Variants in RFX3 observed in about 807,000 individuals in gnomAD.
The protein encoded by RFX3 is transcription factor RFX3.
RFX3 carries 14 observed loss-of-function variants against 98.6 expected under a neutral mutation model. The ratio of observed to expected loss-of-function variants is 0.14; its 90% CI spans 0.09 to 0.22. RFX3 has a LOEUF of 0.22. Ranked by LOEUF, RFX3 falls within the 10% of genes least tolerant of loss-of-function variation. RFX3 has a pLI of 1.00. For missense variants in RFX3, 639 were observed against 926.9 expected (o/e 0.69, Z 4.03); for synonymous variants, 383 against 328.4 (o/e 1.17, Z -1.80).
chr9:3,234,799 T>TCCA (rs1256833499), intron 15 of RFX3, among the ~76,000 whole-genome samples: 1 of 152,184 alleles, frequency 6.6e-6, no homozygotes. Flanking sequence ...GAAGACCTGC[T>TCCA]CCAGCTCATT....
At chr9:3,247,659 A>C in intron 15 of RFX3, 3 of 1,419,584 alleles carry the variant, frequency 2.1e-6, no homozygotes, top group Non-Finnish European at 2.8e-6. Flanking sequence ...GAGTCTACAA[A>C]ATACATATTT....
chr9:3,350,815 T>G (rs1021536860), intron 2 of RFX3, among the ~76,000 whole-genome samples: 1 of 152,056 alleles, frequency 6.6e-6, no homozygotes, highest in African/African-American at 2.4e-5. Context: ...CTTGAATGCG[T>G]ATGACCAAGT....
In RFX3 at chr9:3,221,828, T is replaced by G. The variant is rs1817355287; in HGVS notation, c.*3214A>C. On this transcript the variant is annotated 3_prime_UTR_variant, in exon 17 of 17. Coordinates refer to ENST00000617270, the MANE Select transcript of RFX3 (RefSeq NM_001282116.2). Reference sequence around the variant, plus strand: ...CATATGAAAATATCTTTTCTGAAACTTGAAAACAGTCAACATACCTTCCTT... The same window carrying G: ...CATATGAAAATATCTTTTCTGAAACGTGAAAACAGTCAACATACCTTCCTT... The G allele has an allele frequency of 1.3e-5, 2 of 152,198 alleles. No individual in the cohort carries two copies. Among genetic ancestry groups the G allele is most frequent in the East Asian group, 1.9e-4 (1 of 5,200 alleles). 9.4% of individuals were successfully genotyped at this position (152,198 alleles called of 1,614,324 possible).
At chr9:3,271,153 A>T in intron 9 of RFX3, 35 bp from the exon 10 acceptor site, 1 of 1,574,214 alleles carries the variant, frequency 6.4e-7, no homozygotes, top group South Asian at 1.1e-5. Context: ...TTACCTTACA[A>T]TATTATTTAC....
At chr9:3,443,308 T>C (rs529128019) in intron 1 of RFX3, among the ~76,000 whole-genome samples, 1 of 152,296 alleles carries the variant, frequency 6.6e-6, no homozygotes, top group East Asian at 1.9e-4. Context: ...CACCTAGATA[T>C]TAAGCCCAGC....
chr9:3,466,153 TAG>T (rs1564137212), intron 1 of RFX3, among the ~76,000 whole-genome samples: 1 of 152,188 alleles, frequency 6.6e-6, no homozygotes, highest in East Asian at 1.9e-4. Flanking sequence ...AGCAGGAAAA[TAG>T]AGTTCTAAAG....
intron 1 of RFX3, among the ~76,000 whole-genome samples, chr9:3,413,843 T>G (rs1842663852): frequency 6.6e-6 from 1 of 152,078 alleles, no homozygotes; most frequent in African/African-American, 2.4e-5. Flanking sequence ...GGATGAATAC[T>G]AAGTAATAAA....
intron 4 of RFX3, among the ~76,000 whole-genome samples, chr9:3,322,187 C>A (rs1375093669): frequency 6.6e-6 from 1 of 152,054 alleles, no homozygotes; most frequent in African/African-American, 2.4e-5. Flanking sequence ...TATGTTGAAA[C>A]ATTTTATGTT....
chr9:3,330,225 GCTAAA>G, intron 4 of RFX3, 29 bp downstream of exon 4: 1 of 1,609,688 alleles, frequency 6.2e-7, no homozygotes, highest in Non-Finnish European at 8.5e-7. Flanking sequence ...ACTATTAAAA[GCTAAA>G]CTAAACTACT....
chr9:3,258,307 AAGAGTGTCTAT>A (rs1822401312), intron 13 of RFX3, among the ~76,000 whole-genome samples: 1 of 152,136 alleles, frequency 6.6e-6, no homozygotes, highest in Non-Finnish European at 1.5e-5. Context: ...TTTTTCTCAA[AAGAGTGTCTAT>A]AGCTTCTTTT....
Position 3,270,742 on chromosome 9 carries a change from G to T in RFX3, c.1203-217C>A, listed in dbSNP as rs1196637647. The T allele has an allele frequency of 2.9e-5, 19 of 663,812 alleles. No individual in the cohort carries two copies. In the South Asian group the frequency reaches 3.2e-4, roughly 11 times the overall value. The allele number at this position is 663,812 out of a possible 1,614,324, so 41.1% of individuals were successfully genotyped here. A position where few individuals can be genotyped will look rare whatever the true frequency, so the allele number is the denominator to read the frequency against. ...CTATGCACATTTGTATTTTCTGACG[G>T]TATGAAAGGCAGATATGATAGTAAT... On this transcript the variant is annotated intron_variant, in intron 10 of 16. Transcript: ENST00000617270.
intron 15 of RFX3, among the ~76,000 whole-genome samples, chr9:3,238,016 T>C (rs947221560): frequency 2.0e-5 from 3 of 151,528 alleles, no homozygotes; most frequent in Non-Finnish European, 4.4e-5. Context: ...CAAGTTAAAC[T>C]CTTTGAGCCT....
At chr9:3,238,778 G>A (rs920291697) in intron 15 of RFX3, among the ~76,000 whole-genome samples, 1 of 151,982 alleles carries the variant, frequency 6.6e-6, no homozygotes, top group African/African-American at 2.4e-5. Context: ...ACGTGAGGTC[G>A]GGAGTTTGAC....
chr9:3,314,697 A>C (rs1830371621), intron 4 of RFX3, among the ~76,000 whole-genome samples: 1 of 151,948 alleles, frequency 6.6e-6, no homozygotes, highest in Non-Finnish European at 1.5e-5. Flanking sequence ...GCAAATGGAA[A>C]ACAAAAAAAA....
intron 1 of RFX3, among the ~76,000 whole-genome samples, chr9:3,454,546 G>A (rs964276195): frequency 6.6e-6 from 1 of 152,122 alleles, no homozygotes; most frequent in Non-Finnish European, 1.5e-5. Context: ...GCATGGACCC[G>A]CTATAAATGT....
intron 4 of RFX3, among the ~76,000 whole-genome samples, chr9:3,315,052 C>A (rs1272096051): frequency 6.6e-6 from 1 of 151,992 alleles, no homozygotes; most frequent in East Asian, 1.9e-4. Flanking sequence ...ACTCTCCACC[C>A]CAAATCAACA....
rs1817250369 is a variant in RFX3 at position 3,219,835 on chromosome 9, C to T, written c.*5207G>A. 1 of 152,220 alleles carries T rather than the reference C, an allele frequency of 6.6e-6. No individual in the cohort carries two copies. The highest frequency in any genetic ancestry group is 2.4e-5 in the African/African-American group (1 of 41,460). The allele number at this position is 152,220 out of a possible 1,614,324, so 9.4% of individuals were successfully genotyped here. A position where few individuals can be genotyped will look rare whatever the true frequency, so the allele number is the denominator to read the frequency against. Reference sequence around the variant, plus strand: ...CCTAAAAAGCAACGTTTACGGCATACTTGCACTATGCTATGGATGTCCTTT... The same window carrying T: ...CCTAAAAAGCAACGTTTACGGCATATTTGCACTATGCTATGGATGTCCTTT... On this transcript the variant is annotated 3_prime_UTR_variant, in exon 17 of 17. Transcript: ENST00000617270.
At chr9:3,270,812 A>C in intron 10 of RFX3, 191 bp downstream of exon 10, 1 of 746,510 alleles carries the variant, frequency 1.3e-6, no homozygotes, top group Non-Finnish European at 2.1e-6. Flanking sequence ...AATCAGTACA[A>C]ATGGGAGCTA....
chr9:3,281,831 C>T (rs1825949654), intron 7 of RFX3, among the ~76,000 whole-genome samples: 1 of 151,736 alleles, frequency 6.6e-6, no homozygotes, highest in Non-Finnish European at 1.5e-5. Context: ...CAATCCCACA[C>T]ACATGGGTAC....
Sources: gnomAD v4.1 joint callset for allele counts (sites outside exome capture counted in the v4.1 genomes callset) on GRCh38, gnomAD v4.1.1 for gene constraint, MANE v1.5 for transcripts, NCBI Gene and HGNC (gene_info 2026-07-23, HGNC 2026-07-21) for gene names.